Variants in DMD observed in about 807,000 individuals in gnomAD.
The protein encoded by DMD is dystrophin, also known as mutant dystrophin.
In DMD, 63 loss-of-function variants were observed where a neutral mutation model predicts 330.1. That is an observed-to-expected ratio of 0.19 (90% CI 0.16 to 0.24). DMD has a LOEUF of 0.24. Among genes scored for constraint, DMD ranks in the 10% least tolerant of loss-of-function variants. The pLI is 1.00. For missense variants in DMD, 3,344 were observed against 2,684.1 expected (o/e 1.25, Z -5.43); for synonymous variants, 1,223 against 959.8 (o/e 1.27, Z -5.07).
At chrX:32,795,394 C>A (rs753681156) in intron 7 of DMD, among the ~76,000 whole-genome samples, 1 of 111,975 alleles carries the variant, frequency 8.9e-6, no homozygotes, top group East Asian at 2.8e-4. Context: ...TCAAATGGTG[C>A]TGAGAATTGG....
chrX:32,847,489 C>T (rs1344778955), intron 3 of DMD, among the ~76,000 whole-genome samples: 1 of 112,173 alleles, frequency 8.9e-6, no homozygotes, highest in African/African-American at 3.2e-5. Context: ...ACATGCCTCC[C>T]ATTAGGAGTA....
At chrX:31,211,398 C>G (rs191734470) in intron 64 of DMD, among the ~76,000 whole-genome samples, 260 of 112,328 alleles carry the variant, frequency 2.3e-3, no homozygotes, top group African/African-American at 8.0e-3. Context: ...TTCTTCCAAA[C>G]ACCAATATTC....
chrX:32,051,253 T>C (rs1479581386), intron 44 of DMD, among the ~76,000 whole-genome samples: 8 of 110,807 alleles, frequency 7.2e-5, no homozygotes, highest in African/African-American at 2.6e-4. Flanking sequence ...TCTGTAATTA[T>C]GAAGAGACAA....
At chrX:33,312,517 A>C (rs998695002) in intron 1 of DMD, among the ~76,000 whole-genome samples, 2 of 111,650 alleles carry the variant, frequency 1.8e-5, no homozygotes, top group Non-Finnish European at 3.8e-5. Context: ...GGTTTTTAGT[A>C]CTGTTGGAAA....
chrX:31,933,258 T>C (rs1902957), intron 45 of DMD, among the ~76,000 whole-genome samples: 50,009 of 110,858 alleles, frequency 0.45, 9,808 homozygotes, highest in African/African-American at 0.78. Context: ...CAGTTCTGCT[T>C]TATGTGGCTT....
chrX:32,381,730 A>C (rs753485730), intron 33 of DMD, among the ~76,000 whole-genome samples: 12 of 111,423 alleles, frequency 1.1e-4, no homozygotes, highest in Non-Finnish European at 1.9e-4. Flanking sequence ...AATTTACATA[A>C]AGAGTTTATA....
chrX:31,679,281 A>T, intron 53 of DMD, 94 bp downstream of exon 53: 2 of 803,353 alleles, frequency 2.5e-6, no homozygotes, highest in Non-Finnish European at 3.6e-6. Flanking sequence ...TCTGTTAATA[A>T]CTTTACATTA....
intron 41 of DMD, among the ~76,000 whole-genome samples, chrX:32,337,148 G>A (rs772108886): frequency 2.3e-4 from 26 of 111,317 alleles, no homozygotes; most frequent in Non-Finnish European, 4.3e-4. Context: ...AGATACGGAG[G>A]AGTGATTTGA....
Position 31,879,102 on chromosome X carries a change from T to C in DMD, c.6913-3729A>G, listed in dbSNP as rs776006370. ...TGTACCTTTTATATTTTGAACAATG[T>C]AAATGCATTACTGTATTAGTCTGCT... is the stretch of plus-strand genomic sequence containing the variant. On this transcript the variant is annotated intron_variant, in intron 47 of 78. Transcript: ENST00000357033. 3.6e-5 allele frequency among the ~76,000 whole-genome samples: 4 copies of C among 110,038 alleles called. No individual in the cohort carries two copies. The East Asian group carries it at 8.6e-4, about 24-fold the overall frequency.
chrX:32,561,742 C>A (rs949142520), intron 16 of DMD, among the ~76,000 whole-genome samples: 2 of 111,387 alleles, frequency 1.8e-5, no homozygotes, highest in Non-Finnish European at 3.8e-5. Context: ...CGTAATCATA[C>A]AATTCTCCAG....
chrX:33,177,605 C>T (rs1004253666), intron 1 of DMD, among the ~76,000 whole-genome samples: 5 of 110,730 alleles, frequency 4.5e-5, no homozygotes, highest in Admixed American at 9.6e-5. Flanking sequence ...AGGTTGGTCT[C>T]GAACTCCTGG....
intron 7 of DMD, among the ~76,000 whole-genome samples, chrX:32,761,890 C>A (rs746773915): frequency 9.0e-6 from 1 of 111,162 alleles, no homozygotes; most frequent in Non-Finnish European, 1.9e-5. Flanking sequence ...GTGGCTCATG[C>A]TTGTTATCCC....
At chrX:32,067,773 T>G (rs189095494) in intron 44 of DMD, among the ~76,000 whole-genome samples, 32 of 112,262 alleles carry the variant, frequency 2.9e-4, no homozygotes, top group African/African-American at 9.4e-4. Flanking sequence ...ACACCTATGT[T>G]GATCCCATTA....
intron 57 of DMD, 35 bp from the exon 58 acceptor site, chrX:31,479,138 C>T: frequency 8.3e-7 from 1 of 1,207,249 alleles, no homozygotes; most frequent in South Asian, 1.8e-5. Flanking sequence ...GCTTATTTGG[C>T]TTGTGGCATT....
chrX:32,535,916 G>A (rs757551029), intron 17 of DMD, among the ~76,000 whole-genome samples: 11 of 111,537 alleles, frequency 9.9e-5, no homozygotes, highest in Non-Finnish European at 1.5e-4. Flanking sequence ...ATACAGGCAT[G>A]CAAAAATAAA....
At chrX:33,131,691 C>G (rs187214640) in intron 1 of DMD, among the ~76,000 whole-genome samples, 9 of 111,870 alleles carry the variant, frequency 8.0e-5, no homozygotes, top group South Asian at 3.7e-4. Context: ...TTCATCGGTA[C>G]GATAAGATAT....
rs72626079 is a variant in DMD, at chrX:33,263,662, A to T, written c.7+75597T>A. ...ACTATTATTACATATTATTAGTCAA[A>T]TATCTATAAAAAGATGAATATGACA... On this transcript the variant is annotated intron_variant, in intron 1 of 17. Coordinates refer to the DMD transcript ENST00000288447. 2.2e-3 allele frequency among the ~76,000 whole-genome samples: 240 copies of T among 109,383 alleles called. 3 individuals carry two copies. In the East Asian group the frequency reaches 0.043, roughly 19 times the overall value. 95.0% of individuals were successfully genotyped at this position (109,383 alleles called of 115,157 possible). A position where few individuals can be genotyped will look rare whatever the true frequency, so the allele number is the denominator to read the frequency against.
At chrX:31,622,926 T>C (rs1043327815) in intron 55 of DMD, among the ~76,000 whole-genome samples, 1 of 103,902 alleles carries the variant, frequency 9.6e-6, no homozygotes, top group African/African-American at 3.5e-5. Context: ...ATATAATTTT[T>C]AAATATCCAG....
chrX:32,118,344 C>T (rs1372542548), intron 44 of DMD, among the ~76,000 whole-genome samples: 1 of 111,465 alleles, frequency 9.0e-6, no homozygotes, highest in African/African-American at 3.3e-5. Context: ...AGCTCTTCCC[C>T]TCCATCATAG....
Sources: allele counts gnomAD v4.1 joint callset (sites outside exome capture counted in the v4.1 genomes callset), GRCh38; gene constraint gnomAD v4.1.1; transcripts MANE v1.5; gene names NCBI Gene and HGNC (gene_info 2026-07-23, HGNC 2026-07-21).